PIH1D2: variants seen among roughly 807,000 people sequenced by gnomAD.
PIH1D2 encodes the protein PIH1 domain containing 2.
Under a neutral mutation model 31.2 loss-of-function variants are expected in PIH1D2, and 25 were observed. The observed-to-expected ratio is 0.80, with a 90% CI of 0.58 to 1.12. The LOEUF (loss-of-function observed/expected upper bound fraction) is 1.12, where lower values mean the gene tolerates loss of function less well. Among genes scored for constraint, PIH1D2 ranks in the 50% most tolerant of loss-of-function variants. The pLI, the probability that PIH1D2 is intolerant of heterozygous loss-of-function variation, is 0.00. For synonymous variants in PIH1D2, 116 were observed against 119.9 expected (o/e 0.97, Z 0.21); for missense variants, 310 against 356.6 (o/e 0.87, Z 1.05).
At chr11:112,068,466 A>G (rs1435255665) in intron 5 of PIH1D2, among the ~76,000 whole-genome samples, 3 of 152,202 alleles carry the variant, frequency 2.0e-5, no homozygotes, top group African/African-American at 7.2e-5. Flanking sequence ...TGAGCTTAGA[A>G]TGGACCATTT....
chr11:112,066,633 G>A (rs1270282582), downstream of PIH1D2, among the ~76,000 whole-genome samples: 2 of 67,000 alleles, frequency 3.0e-5, no homozygotes, highest in African/African-American at 9.4e-5. Flanking sequence ...GCAAGATTCC[G>A]TCTCAAAAAA....
rs367755821 is a variant in PIH1D2, at chr11:112,071,668, C to T, written c.268G>A (p.Val90Ile). ...TCAGTTGTATCTTCTGGTTTGCCAA[C>T]AGTTAGAGGTACTGGATGAGTGGTT... is the stretch of plus-strand genomic sequence containing the variant. ...QSTTHPVPLT[V>I]GKPEDTTEIS... is the part of the protein sequence containing the mutation. The change falls in exon 3 of 6, where the codon GTT becomes ATT. Residue 90 changes from valine (V) to isoleucine (I), a missense_variant. Coordinates refer to ENST00000280350, the MANE Select transcript of PIH1D2 (RefSeq NM_138789.4). 2 of 1,613,770 alleles carry T rather than the reference C, an allele frequency of 1.2e-6. No homozygotes were observed. Among genetic ancestry groups the T allele is most frequent in the Non-Finnish European group, 1.7e-6 (2 of 1,179,668 alleles).
At chr11:112,065,032 G>A (rs1864869927), downstream of PIH1D2, among the ~76,000 whole-genome samples, 1 of 151,828 alleles carries the variant, frequency 6.6e-6, no homozygotes, top group Admixed American at 6.6e-5. Context: ...ATTAGAGACA[G>A]GGTTTCACCG....
rs587763199 is a variant in PIH1D2, at chr11:112,067,922, T to C, written c.897A>G (p.Ala299=). 9.3e-6 allele frequency: 15 copies of C among 1,610,916 alleles called. No homozygotes were observed. In the South Asian group the frequency reaches 1.3e-4, roughly 14 times the overall value. The change falls in exon 6 of 6, where the codon GCA becomes GCG. Residue 299 remains alanine, a synonymous_variant. Coordinates refer to ENST00000280350, the MANE Select transcript of PIH1D2 (RefSeq NM_138789.4). ...PKLIDTEMTT[A]KFIKEKSTLI... is the part of the protein sequence containing the mutation. ...GCGTGGATTTTTCTTTGATAAATTT[T>C]GCTGTGGTCATTTCAGTATCAATAA...
chr11:112,071,763 A>C lies in PIH1D2; in HGVS notation c.178-5T>G, dbSNP rs1865124444. On this transcript the variant is annotated splice_polypyrimidine_tract_variant and splice_region_variant and intron_variant, in intron 2 of 5. Coordinates refer to ENST00000280350, the MANE Select transcript of PIH1D2 (RefSeq NM_138789.4). ...AAGTATTTTTTCTTTTGGTTTCTGG[A>C]AAGCAAATAATTTTGCACATCTCAA... is the stretch of plus-strand genomic sequence containing the variant. 2 of 1,613,918 alleles carry C rather than the reference A, an allele frequency of 1.2e-6. No homozygotes were observed. The highest frequency in any genetic ancestry group is 1.7e-6 in the Non-Finnish European group (2 of 1,179,910).
intron 3 of PIH1D2, 33 bp downstream of exon 3, chr11:112,071,602 T>G (rs1311328514): frequency 6.2e-6 from 10 of 1,601,424 alleles, no homozygotes; most frequent in African/African-American, 1.3e-5. Flanking sequence ...CTAATAAAAT[T>G]TTTACAATGT....
downstream of PIH1D2, chr11:112,060,137 A>G: frequency 8.0e-7 from 1 of 1,253,310 alleles, no homozygotes. Context: ...TGCATTTTTC[A>G]CCTTTTGATT....
At chr11:112,069,217 G>A (rs1865037194) in intron 5 of PIH1D2, among the ~76,000 whole-genome samples, 1 of 151,718 alleles carries the variant, frequency 6.6e-6, no homozygotes, top group Non-Finnish European at 1.5e-5. Flanking sequence ...TGCCCAGGCT[G>A]GTCTCGAACC....
chr11:112,073,121 G>T lies in PIH1D2; in HGVS notation c.54C>A (p.Leu18=). Residue 18 remains leucine (L), a synonymous_variant, in exon 2 of 6, where the codon CTC becomes CTA. Coordinates refer to ENST00000280350, the MANE Select transcript of PIH1D2 (RefSeq NM_138789.4). ...LLTQVTQFWN[L]LDDLAQSDPE... ...GGTCACTCTGAGCTAGATCATCTAGGAGGTTCCAAAACTGAGTAACTTGGG... is the reference window on the plus strand; with the variant it reads ...GGTCACTCTGAGCTAGATCATCTAGTAGGTTCCAAAACTGAGTAACTTGGG... 1 of 1,614,054 alleles carries T rather than the reference G, an allele frequency of 6.2e-7. No individual in the cohort carries two copies. Among genetic ancestry groups the T allele is most frequent in the Non-Finnish European group, 8.5e-7 (1 of 1,179,954 alleles).
downstream of PIH1D2, among the ~76,000 whole-genome samples, chr11:112,065,656 A>AG (rs782378419): frequency 3.9e-5 from 6 of 152,312 alleles, no homozygotes; most frequent in East Asian, 1.2e-3. Flanking sequence ...GGAAAAAAAA[A>AG]CAAAAATCCA....
At chr11:112,072,229 T>A (rs1248559039) in intron 2 of PIH1D2, among the ~76,000 whole-genome samples, 1 of 152,138 alleles carries the variant, frequency 6.6e-6, no homozygotes, top group Non-Finnish European at 1.5e-5. Flanking sequence ...GTTATTTGAT[T>A]TCCCCAAGGC....
rs1555184061 is a variant in PIH1D2 at position 112,067,970 on chromosome 11, T to G, written c.849A>C (p.Arg283Ser). 6.2e-7 allele frequency: 1 copy of G among 1,600,826 alleles called. No individual in the cohort carries two copies. ...TAAGTTTTGGAAGATTCAGATGTAA[T>G]CTGTACTTCTCAGATACTTCAATCA... ...DLLIEVSEKYRLHLNLPKLID... is the reference protein window; with the variant it reads ...DLLIEVSEKYSLHLNLPKLID... The change falls in exon 6 of 6, where the codon AGA becomes AGC. Residue 283 changes from arginine to serine, a missense_variant. Transcript: ENST00000280350.
At chr11:112,064,249 T>C, downstream of PIH1D2, 1 of 1,536,528 alleles carries the variant, frequency 6.5e-7, no homozygotes, top group South Asian at 1.2e-5. Flanking sequence ...ACAGTTGCCT[T>C]CTAATAAACA....
the PIH1D2 span, among the ~76,000 whole-genome samples, chr11:112,054,790 C>T: frequency 6.6e-6 from 1 of 152,176 alleles, no homozygotes; most frequent in Non-Finnish European, 1.5e-5. Context: ...AGGGGCAATG[C>T]GTTCCCTCCA....
chr11:112,058,620 G>GT (rs1864277876), downstream of PIH1D2, among the ~76,000 whole-genome samples: 4 of 130,078 alleles, frequency 3.1e-5, no homozygotes, highest in South Asian at 3.1e-4. Flanking sequence ...GGGGGAAGGG[G>GT]GGGGTGGGGG....
At chr11:112,062,452 C>T (rs1555183369), downstream of PIH1D2, 9 of 1,612,620 alleles carry the variant, frequency 5.6e-6, no homozygotes, top group Non-Finnish European at 5.1e-6. Flanking sequence ...TTGTGATCAC[C>T]GGGTGGTGGA....
the PIH1D2 span, among the ~76,000 whole-genome samples, chr11:112,055,596 C>A: frequency 6.6e-6 from 1 of 152,042 alleles, no homozygotes; most frequent in Admixed American, 6.6e-5. Context: ...TTGTGCCATT[C>A]TGAGTTAGCC....
downstream of PIH1D2, among the ~76,000 whole-genome samples, chr11:112,060,481 T>C (rs1407634776): frequency 1.3e-5 from 2 of 150,132 alleles, no homozygotes; most frequent in Admixed American, 6.7e-5. Flanking sequence ...TGAAACAGAG[T>C]CTCACTCTTG....
At chr11:112,064,238 A>G, downstream of PIH1D2, 2 of 1,549,430 alleles carry the variant, frequency 1.3e-6, 1 homozygote, top group Non-Finnish European at 1.7e-6. Context: ...AAAAAATAAA[A>G]ACAGTTGCCT....
Sources: gnomAD v4.1 joint callset for allele counts (sites outside exome capture counted in the v4.1 genomes callset) on GRCh38, gnomAD v4.1.1 for gene constraint, MANE v1.5 for transcripts, NCBI Gene and HGNC (gene_info 2026-07-23, HGNC 2026-07-21) for gene names.